Variants in CATSPERE observed in about 807,000 individuals in gnomAD.
The protein encoded by CATSPERE is cation channel sperm-associated auxiliary subunit epsilon.
A neutral mutation model predicts 114.1 loss-of-function variants in CATSPERE; 93 were observed. The observed-to-expected ratio is 0.81, with a 90% CI of 0.69 to 0.97. The LOEUF is 0.97. CATSPERE is among the 50% of genes least tolerant of loss of function. The pLI, the probability that CATSPERE is intolerant of heterozygous loss-of-function variation, is 0.00. For missense variants in CATSPERE, 1,058 were observed against 1,131.6 expected, an observed-to-expected ratio of 0.93 and a Z score of 0.93; for synonymous variants, 341 against 384.1, an observed-to-expected ratio of 0.89 and a Z score of 1.31.
intron 6 of CATSPERE, among the ~76,000 whole-genome samples, 176 bp downstream of exon 6, chr1:244,490,647 T>C (rs372399482): frequency 3.3e-5 from 5 of 152,312 alleles, no homozygotes; most frequent in Admixed American, 6.5e-5. Flanking sequence ...CACCCTTTTC[T>C]AACCACCTAT....
At chr1:244,541,733 A>G (rs991100766) in intron 8 of CATSPERE, among the ~76,000 whole-genome samples, 1 of 147,238 alleles carries the variant, frequency 6.8e-6, no homozygotes, top group Non-Finnish European at 1.5e-5. Flanking sequence ...CACTATTCAC[A>G]ATAGCAAAGA....
chr1:244,594,213 A>G (rs1187349964), intron 17 of CATSPERE, among the ~76,000 whole-genome samples: 1 of 152,140 alleles, frequency 6.6e-6, no homozygotes, highest in African/African-American at 2.4e-5. Context: ...CCAGCTACTC[A>G]GGAAGCTGAG....
intron 1 of CATSPERE, among the ~76,000 whole-genome samples, chr1:244,462,679 G>C (rs1399664892): frequency 6.6e-6 from 1 of 152,072 alleles, no homozygotes. Context: ...TTATTTATAG[G>C]TATATGTAAA....
intron 5 of CATSPERE, among the ~76,000 whole-genome samples, chr1:244,487,280 C>T (rs933992197): frequency 6.6e-6 from 1 of 152,108 alleles, no homozygotes; most frequent in Non-Finnish European, 1.5e-5. Context: ...CAGGTACAGA[C>T]CCTTCTAGTC....
At chr1:244,567,448 C>G (rs1663767373) in intron 10 of CATSPERE, among the ~76,000 whole-genome samples, 1 of 152,162 alleles carries the variant, frequency 6.6e-6, no homozygotes, top group South Asian at 2.1e-4. Flanking sequence ...TGTTTTCCAA[C>G]TTGGTTCCAT....
chr1:244,508,742 T>TAC (rs1675231082), intron 7 of CATSPERE, among the ~76,000 whole-genome samples: 1 of 149,344 alleles, frequency 6.7e-6, no homozygotes. Flanking sequence ...CTCATACCTG[T>TAC]AATCCCAGCA....
upstream of CATSPERE, among the ~76,000 whole-genome samples, chr1:244,460,389 T>TC (rs1404036165): frequency 2.0e-5 from 3 of 151,942 alleles, no homozygotes; most frequent in African/African-American, 7.3e-5. Context: ...GTAAACTGGC[T>TC]CATCTGATCT....
intron 17 of CATSPERE, among the ~76,000 whole-genome samples, chr1:244,600,531 C>T (rs966284010): frequency 3.9e-5 from 6 of 152,076 alleles, no homozygotes; most frequent in Admixed American, 2.0e-4. Flanking sequence ...GAACTTATAC[C>T]TAATAGGAAT....
chr1:244,515,490 A>G (rs1386318369), intron 7 of CATSPERE, among the ~76,000 whole-genome samples: 1 of 152,274 alleles, frequency 6.6e-6, no homozygotes, highest in Non-Finnish European at 1.5e-5. Flanking sequence ...ATCTAGAACT[A>G]GATATAAAAT....
rs182604198 is a variant in CATSPERE, at chr1:244,575,838, C to T, written c.1950+3066C>T. Among the ~76,000 whole-genome samples, 54 of 151,934 alleles carry T rather than the reference C, an allele frequency of 3.6e-4. No homozygotes were observed. The highest frequency in any genetic ancestry group is 1.2e-3 in the African/African-American group (51 of 41,418). On this transcript the variant is annotated intron_variant, in intron 11 of 21. Transcript: ENST00000366534. The surrounding 1 kb of genome is among the most constrained non-coding windows in gnomAD (Gnocchi z 4.5). ...GGAAAGGGAAGTTTTGAATATTTTT[C>T]CTATTGCTGGAGGATTGTGTGAGGT...
chr1:244,615,225 G>A (rs1671224558), intron 19 of CATSPERE, among the ~76,000 whole-genome samples: 2 of 141,426 alleles, frequency 1.4e-5, no homozygotes, highest in African/African-American at 5.4e-5. Flanking sequence ...AATGACAATG[G>A]ACTTTGGGCA....
chr1:244,580,894 G>A (rs1189874596), intron 11 of CATSPERE, among the ~76,000 whole-genome samples: 1 of 151,988 alleles, frequency 6.6e-6, no homozygotes, highest in African/African-American at 2.4e-5. Flanking sequence ...CCAGCTACTC[G>A]GGAGGCTGAG....
At chr1:244,503,906 A>G (rs925242965) in intron 7 of CATSPERE, among the ~76,000 whole-genome samples, 1 of 152,116 alleles carries the variant, frequency 6.6e-6, no homozygotes, top group Non-Finnish European at 1.5e-5. Flanking sequence ...CCACTCACTG[A>G]GTTACTCATA....
intron 2 of CATSPERE, among the ~76,000 whole-genome samples, chr1:244,468,351 C>G (rs1039091875): frequency 2.0e-5 from 3 of 152,152 alleles, no homozygotes; most frequent in African/African-American, 7.2e-5. Flanking sequence ...CTTGGCCTCC[C>G]AAAGTGCTGG....
chr1:244,612,383 G>A (rs1670853912), intron 19 of CATSPERE, among the ~76,000 whole-genome samples: 1 of 150,852 alleles, frequency 6.6e-6, no homozygotes, highest in Admixed American at 6.7e-5. Context: ...ATTCTAGAAG[G>A]ATGAACGACA....
chr1:244,525,542 G>A (rs550828027), intron 8 of CATSPERE, among the ~76,000 whole-genome samples: 12 of 151,932 alleles, frequency 7.9e-5, no homozygotes, highest in South Asian at 2.1e-4. Context: ...GTGAGGATAC[G>A]CAACAATGAA....
intron 6 of CATSPERE, among the ~76,000 whole-genome samples, chr1:244,493,739 C>G (rs1214890858): frequency 6.6e-6 from 1 of 152,034 alleles, no homozygotes. Flanking sequence ...ACAATGAACT[C>G]AAACAAATTT....
At chr1:244,547,984 C>T (rs1660021099) in intron 8 of CATSPERE, among the ~76,000 whole-genome samples, 1 of 152,188 alleles carries the variant, frequency 6.6e-6, no homozygotes, top group South Asian at 2.1e-4. Flanking sequence ...TATACCAATT[C>T]ATGGGCTGCA....
chr1:244,605,003 GCATGGGCTAGGTGTGACTATAGATC>G (rs1444534924), intron 17 of CATSPERE, among the ~76,000 whole-genome samples: 1 of 152,114 alleles, frequency 6.6e-6, no homozygotes, highest in African/African-American at 2.4e-5. Flanking sequence ...CATTCTCTGA[GCATGGGCTAGGTGTGACTATAGATC>G]CAGGGAGCGT....
Sources: allele counts gnomAD v4.1 joint callset (sites outside exome capture counted in the v4.1 genomes callset), GRCh38; gene constraint gnomAD v4.1.1; non-coding constraint Gnocchi (gnomAD v3.1); transcripts MANE v1.5; gene names NCBI Gene and HGNC (gene_info 2026-07-23, HGNC 2026-07-21).